Variants in GMDS observed in about 807,000 individuals in gnomAD.
GMDS encodes the protein GDP-mannose 4,6-dehydratase.
In GMDS, 20 loss-of-function variants were observed where a neutral mutation model predicts 49.9. The observed-to-expected ratio is 0.40, with a 90% CI of 0.28 to 0.58. The LOEUF is 0.58. Ranked by LOEUF, GMDS falls within the 20% of genes least tolerant of loss-of-function variation. The pLI, the probability that GMDS is intolerant of heterozygous loss-of-function variation, is 0.42. For synonymous variants in GMDS, 177 were observed against 178.6 expected, an observed-to-expected ratio of 0.99 and a Z score of 0.07; for missense variants, 362 against 481.4, an observed-to-expected ratio of 0.75 and a Z score of 2.32.
chr6:1,731,005 A>G (rs547517483), intron 8 of GMDS, among the ~76,000 whole-genome samples: 1 of 152,318 alleles, frequency 6.6e-6, no homozygotes, highest in East Asian at 1.9e-4. Flanking sequence ...CCCCACATCT[A>G]CCACCTTTGA....
intron 7 of GMDS, among the ~76,000 whole-genome samples, chr6:1,851,109 C>T (rs1356616891): frequency 6.6e-6 from 1 of 152,180 alleles, no homozygotes; most frequent in Non-Finnish European, 1.5e-5. Flanking sequence ...GAGAGATTTA[C>T]TGGAGAGGTT....
At chr6:2,176,107 G>T in intron 1 of GMDS, 1 of 786,938 alleles carries the variant, frequency 1.3e-6, no homozygotes, top group Non-Finnish European at 2.0e-6. Context: ...CTGGTGTCCA[G>T]CCCCCCTTCT....
chr6:2,115,655 T>C, intron 4 of GMDS, 116 bp downstream of exon 4: 1 of 675,426 alleles, frequency 1.5e-6, no homozygotes, highest in East Asian at 2.5e-5. Context: ...ACACTGACAA[T>C]TCAACTTGAA....
chr6:1,753,025 C>A (rs1440407874), intron 7 of GMDS, among the ~76,000 whole-genome samples: 1 of 152,102 alleles, frequency 6.6e-6, no homozygotes, highest in Non-Finnish European at 1.5e-5. Context: ...ATCAAATGTA[C>A]ACATAACAAT....
intron 7 of GMDS, among the ~76,000 whole-genome samples, chr6:1,837,419 AT>A (rs1210777853): frequency 2.0e-5 from 3 of 152,118 alleles, no homozygotes; most frequent in Non-Finnish European, 4.4e-5. Flanking sequence ...TTTACTCAGG[AT>A]TTAGATTCCA....
chr6:1,990,193 G>A (rs1187835620), intron 4 of GMDS, among the ~76,000 whole-genome samples: 1 of 152,224 alleles, frequency 6.6e-6, no homozygotes, highest in African/African-American at 2.4e-5. Context: ...CTACCCAGGA[G>A]ACTGAGGCAG....
intron 7 of GMDS, among the ~76,000 whole-genome samples, chr6:1,850,604 T>C (rs1757620035): frequency 6.6e-6 from 1 of 152,030 alleles, no homozygotes; most frequent in Non-Finnish European, 1.5e-5. Context: ...AAAGTCTAGA[T>C]TAGGGAATTG....
At chr6:2,106,869 AG>A (rs373631971) in intron 4 of GMDS, among the ~76,000 whole-genome samples, 7,228 of 149,918 alleles carry the variant, frequency 0.048, 450 homozygotes, top group African/African-American at 0.14. Flanking sequence ...TCTCAAAAAA[AG>A]AAAAAAAAAA....
At chr6:2,087,737 G>C (rs1039186896) in intron 4 of GMDS, among the ~76,000 whole-genome samples, 5 of 152,154 alleles carry the variant, frequency 3.3e-5, no homozygotes, top group African/African-American at 1.2e-4. Flanking sequence ...ATAAGTCTTG[G>C]ACGTTTAGTT....
chr6:1,693,945 G>T (rs528945875), intron 9 of GMDS, among the ~76,000 whole-genome samples: 56 of 152,288 alleles, frequency 3.7e-4, no homozygotes, highest in African/African-American at 1.2e-3. Context: ...CTGGAACTTA[G>T]AGAGTCAAAT....
chr6:1,824,953 C>T (rs1308100327), intron 7 of GMDS, among the ~76,000 whole-genome samples: 3 of 152,152 alleles, frequency 2.0e-5, no homozygotes, highest in Admixed American at 1.3e-4. Context: ...TAAATCACCT[C>T]GGGCACCCAG....
intron 4 of GMDS, among the ~76,000 whole-genome samples, chr6:2,012,688 C>A (rs1245738739): frequency 6.6e-6 from 1 of 152,018 alleles, no homozygotes; most frequent in African/African-American, 2.4e-5. Context: ...ATTGGCTTAT[C>A]TGAAGGAGAA....
intron 1 of GMDS, among the ~76,000 whole-genome samples, chr6:2,184,807 T>A (rs897615362): frequency 6.6e-6 from 1 of 150,470 alleles, no homozygotes; most frequent in African/African-American, 2.4e-5. Flanking sequence ...TAAAAGTCTC[T>A]TGTTTTCTGT....
At chr6:1,887,207 T>C (rs1418469797) in intron 7 of GMDS, among the ~76,000 whole-genome samples, 2 of 152,152 alleles carry the variant, frequency 1.3e-5, no homozygotes, top group Admixed American at 1.3e-4. Flanking sequence ...TGCAAGTAGA[T>C]ATCATTACCA....
At chr6:1,936,761 G>C (rs1333519566) in intron 6 of GMDS, among the ~76,000 whole-genome samples, 1 of 152,140 alleles carries the variant, frequency 6.6e-6, no homozygotes, top group Non-Finnish European at 1.5e-5. Flanking sequence ...GAGGTCAGGA[G>C]TTTGAGACCA....
intron 4 of GMDS, among the ~76,000 whole-genome samples, chr6:2,020,134 G>A (rs930057016): frequency 6.6e-6 from 1 of 152,092 alleles, no homozygotes; most frequent in African/African-American, 2.4e-5. Context: ...ACTGCTATGA[G>A]CCTTAGGAGT....
intron 1 of GMDS, among the ~76,000 whole-genome samples, chr6:2,172,260 A>C (rs751380817): frequency 6.6e-6 from 1 of 152,212 alleles, no homozygotes; most frequent in Non-Finnish European, 1.5e-5. Flanking sequence ...TATCTCAAGA[A>C]GATAAAAATA....
At chr6:2,242,425 G>A (rs1367122591) in intron 1 of GMDS, among the ~76,000 whole-genome samples, 1 of 152,178 alleles carries the variant, frequency 6.6e-6, no homozygotes, top group Non-Finnish European at 1.5e-5. Context: ...AGAACCGATG[G>A]GAGGGGAAGG....
At chr6:2,080,545 AG>A (rs1562036683) in intron 4 of GMDS, among the ~76,000 whole-genome samples, 1 of 152,210 alleles carries the variant, frequency 6.6e-6, no homozygotes, top group Non-Finnish European at 1.5e-5. Context: ...AGATGTATGC[AG>A]TAGTGTAGTC....
Sources: gnomAD v4.1 joint callset for allele counts (sites outside exome capture counted in the v4.1 genomes callset) on GRCh38, gnomAD v4.1.1 for gene constraint, MANE v1.5 for transcripts, NCBI Gene and HGNC (gene_info 2026-07-23, HGNC 2026-07-21) for gene names.